The following IFT57 variants were observed in gnomAD, a reference collection of about 807,000 sequenced individuals.
The protein encoded by IFT57 is intraflagellar transport protein 57 homolog.
In IFT57, 59 loss-of-function variants were observed where a neutral mutation model predicts 56.8. The ratio of observed to expected loss-of-function variants is 1.04; its 90% CI spans 0.84 to 1.29. The LOEUF (loss-of-function observed/expected upper bound fraction) is 1.29. Ranked by LOEUF, IFT57 falls within the 50% of genes most tolerant of loss-of-function variation. IFT57 has a pLI of 0.00. For synonymous variants in IFT57, 209 were observed against 186.1 expected, an observed-to-expected ratio of 1.12 and a Z score of -1.00; for missense variants, 470 against 522.1, an observed-to-expected ratio of 0.90 and a Z score of 0.97.
At chr3:108,198,716 G>A (rs1187410089) in intron 5 of IFT57, among the ~76,000 whole-genome samples, 1 of 152,166 alleles carries the variant, frequency 6.6e-6, no homozygotes, top group African/African-American at 2.4e-5. Flanking sequence ...GCTGGGACTA[G>A]AGGCGTGAGT....
intron 6 of IFT57, among the ~76,000 whole-genome samples, chr3:108,176,492 G>A (rs923338172): frequency 3.3e-5 from 5 of 151,782 alleles, no homozygotes; most frequent in Non-Finnish European, 5.9e-5. Flanking sequence ...TCAGTAAGAA[G>A]CACAAGAAGT....
In IFT57 at chr3:108,161,338, A is replaced by C. The variant is rs2080030971; in HGVS notation, c.*1139T>G. ...TCTAAACTTATCTTAAACTAAAGAGAGGTCTAGTAAGGAAAGGGAAAGATC... is the reference window on the plus strand; with the variant it reads ...TCTAAACTTATCTTAAACTAAAGAGCGGTCTAGTAAGGAAAGGGAAAGATC... On this transcript the variant is annotated 3_prime_UTR_variant, in exon 11 of 11. Coordinates refer to ENST00000264538, the MANE Select transcript of IFT57 (RefSeq NM_018010.4). 6.6e-6 allele frequency: 1 copy of C among 152,100 alleles called. No homozygotes were observed. Among genetic ancestry groups the C allele is most frequent in the Middle Eastern group, 3.4e-3 (1 of 294 alleles). The allele number at this position is 152,100 out of a possible 1,614,324, so 9.4% of individuals were successfully genotyped here.
intron 6 of IFT57, among the ~76,000 whole-genome samples, chr3:108,187,248 T>C (rs1266875910): frequency 6.6e-6 from 1 of 152,228 alleles, no homozygotes; most frequent in Non-Finnish European, 1.5e-5. Context: ...CCTAATTGTA[T>C]TCTGTTTAAG....
At chr3:108,190,819 A>C (rs2080211195) in intron 6 of IFT57, among the ~76,000 whole-genome samples, 1 of 152,158 alleles carries the variant, frequency 6.6e-6, no homozygotes, top group African/African-American at 2.4e-5. Flanking sequence ...TAGAGATGGA[A>C]TCTCGCTCTG....
intron 5 of IFT57, among the ~76,000 whole-genome samples, chr3:108,193,361 C>G (rs13319301): frequency 0.096 from 14,642 of 152,178 alleles, 764 homozygotes; most frequent in Middle Eastern, 0.12. Flanking sequence ...AGACTCAGAG[C>G]CTTAAAGCCT....
intron 6 of IFT57, among the ~76,000 whole-genome samples, chr3:108,190,851 G>A (rs1342182031): frequency 6.6e-6 from 1 of 152,132 alleles, no homozygotes; most frequent in Non-Finnish European, 1.5e-5. Flanking sequence ...GGAGTGCAGT[G>A]GTGCAGTCTT....
intron 5 of IFT57, among the ~76,000 whole-genome samples, chr3:108,205,973 TA>T (rs1213081124): frequency 4.3e-3 from 189 of 44,372 alleles, no homozygotes; most frequent in African/African-American, 9.6e-3. Context: ...ATTATATATT[TA>T]TATATAATAT....
chr3:108,207,396 C>T (rs533149599), intron 4 of IFT57, among the ~76,000 whole-genome samples: 2 of 152,226 alleles, frequency 1.3e-5, no homozygotes, highest in South Asian at 4.1e-4. Flanking sequence ...GCATGTAGGA[C>T]AAAACATGAG....
intron 6 of IFT57, among the ~76,000 whole-genome samples, chr3:108,177,328 A>G (rs2080129660): frequency 6.6e-6 from 1 of 151,806 alleles, no homozygotes; most frequent in Non-Finnish European, 1.5e-5. Context: ...ATACAATAGA[A>G]AAAAACGGAG....
intron 6 of IFT57, among the ~76,000 whole-genome samples, chr3:108,175,865 A>G (rs987755925): frequency 2.0e-5 from 3 of 151,816 alleles, no homozygotes; most frequent in African/African-American, 4.8e-5. Flanking sequence ...TATTGATAGA[A>G]AAAAGCCATG....
intron 4 of IFT57, among the ~76,000 whole-genome samples, chr3:108,211,774 C>T (rs2080343537): frequency 6.6e-6 from 1 of 152,038 alleles, no homozygotes; most frequent in African/African-American, 2.4e-5. Context: ...GTTAAAAATA[C>T]ATGTTGAAAA....
At chr3:108,171,965 A>ATACT (rs1491131222) in intron 6 of IFT57, among the ~76,000 whole-genome samples, 2 of 151,648 alleles carry the variant, frequency 1.3e-5, no homozygotes, top group African/African-American at 4.8e-5. Context: ...ACATACATAC[A>ATACT]TATACAAATA....
intron 6 of IFT57, among the ~76,000 whole-genome samples, chr3:108,190,558 ATTGT>A (rs2080210122): frequency 6.6e-6 from 1 of 152,176 alleles, no homozygotes; most frequent in African/African-American, 2.4e-5. Flanking sequence ...TTCTGCCATG[ATTGT>A]TTAAGTTTCC....
chr3:108,176,319 T>A (rs1310361618), intron 6 of IFT57, among the ~76,000 whole-genome samples: 1 of 151,826 alleles, frequency 6.6e-6, no homozygotes, highest in Non-Finnish European at 1.5e-5. Flanking sequence ...GAGAAAGAAA[T>A]CCTATACCTC....
At chr3:108,162,783 C>A (rs562999654) in intron 10 of IFT57, 128 bp from the exon 11 acceptor site, 9 of 654,468 alleles carry the variant, frequency 1.4e-5, no homozygotes, top group African/African-American at 1.3e-4. Context: ...CAAAAACTTA[C>A]TGACATTCAC....
chr3:108,183,617 T>C (rs13323383), intron 6 of IFT57, among the ~76,000 whole-genome samples: 14,646 of 152,230 alleles, frequency 0.096, 765 homozygotes, highest in Middle Eastern at 0.12. Flanking sequence ...ATTTAAATTT[T>C]CCTACCTGCT....
chr3:108,194,035 T>C (rs999722292), intron 5 of IFT57, among the ~76,000 whole-genome samples: 4 of 152,200 alleles, frequency 2.6e-5, no homozygotes, highest in African/African-American at 4.8e-5. Flanking sequence ...CCAGGGGTTA[T>C]GGGCAATCCC....
chr3:108,173,997 A>AGT (rs34537693), intron 6 of IFT57, among the ~76,000 whole-genome samples: 9 of 100,712 alleles, frequency 8.9e-5, no homozygotes, highest in African/African-American at 1.4e-4. Flanking sequence ...CATATATTTG[A>AGT]GTGTGTGTGT....
intron 6 of IFT57, among the ~76,000 whole-genome samples, chr3:108,184,036 A>G (rs62262383): frequency 0.092 from 13,941 of 152,192 alleles, 703 homozygotes; most frequent in Middle Eastern, 0.12. Flanking sequence ...ATTATGTAGG[A>G]AAGTATTATC....
Sources: allele counts gnomAD v4.1 joint callset (sites outside exome capture counted in the v4.1 genomes callset), GRCh38; gene constraint gnomAD v4.1.1; transcripts MANE v1.5; gene names NCBI Gene and HGNC (gene_info 2026-07-23, HGNC 2026-07-21).